Variants in CDH4 observed in about 807,000 individuals in gnomAD.
CDH4 encodes cadherin-4.
CDH4 carries 33 observed loss-of-function variants against 86.0 expected under a neutral mutation model. The ratio of observed to expected loss-of-function variants is 0.38; its 90% CI spans 0.29 to 0.51. CDH4 has a LOEUF of 0.51. Ranked by LOEUF, CDH4 falls within the 20% of genes least tolerant of loss-of-function variation. CDH4 has a pLI of 0.86. For missense variants in CDH4, 1,114 were observed against 1,307.4 expected (o/e 0.85, Z 2.28); for synonymous variants, 555 against 549.4 (o/e 1.01, Z -0.14).
At chr20:61,841,122 A>G (rs923394536) in intron 4 of CDH4, among the ~76,000 whole-genome samples, 15 of 152,306 alleles carry the variant, frequency 9.8e-5, no homozygotes, top group Non-Finnish European at 1.3e-4. Context: ...TCCTGCCTCC[A>G]GAAGACTGGA....
At position 61,507,520 on chromosome 20, in the gene CDH4, A is replaced by C. The variant is rs182606689; in HGVS notation, c.170-236043A>C. ...AAATTTTAAGTAAAACCCACAGTACAGGTGGAGTTCACTGTGTCTCAGGCA... is the reference window on the plus strand; with the variant it reads ...AAATTTTAAGTAAAACCCACAGTACCGGTGGAGTTCACTGTGTCTCAGGCA... On this transcript the variant is annotated intron_variant, in intron 2 of 15. Transcript: ENST00000614565. Among the ~76,000 whole-genome samples, 285 of 152,296 alleles carry C rather than the reference A, an allele frequency of 1.9e-3. 2 individuals are homozygous for C. The highest frequency in any genetic ancestry group is 6.5e-3 in the African/African-American group (269 of 41,564).
chr20:61,748,048 G>C (rs1024583239), intron 3 of CDH4, among the ~76,000 whole-genome samples: 8 of 152,230 alleles, frequency 5.3e-5, no homozygotes, highest in African/African-American at 1.9e-4. Context: ...CTTTGAGGAA[G>C]CAATGACTAG....
intron 2 of CDH4, among the ~76,000 whole-genome samples, chr20:61,303,173 C>T (rs918798902): frequency 1.3e-5 from 2 of 152,232 alleles, no homozygotes; most frequent in Non-Finnish European, 2.9e-5. Flanking sequence ...ATGTGGCTCC[C>T]CTTCCTATGC....
intron 2 of CDH4, among the ~76,000 whole-genome samples, chr20:61,367,048 G>A (rs2084814109): frequency 6.6e-6 from 1 of 152,128 alleles, no homozygotes; most frequent in South Asian, 2.1e-4. Flanking sequence ...CCCCATTGCT[G>A]ACAGAGAGCC....
chr20:61,870,015 C>G (rs1983728241), intron 6 of CDH4, among the ~76,000 whole-genome samples: 1 of 152,208 alleles, frequency 6.6e-6, no homozygotes. Context: ...TGTGATTTCT[C>G]AGTGATATGG....
chr20:61,646,004 C>A (rs1292988071), intron 2 of CDH4, among the ~76,000 whole-genome samples: 2 of 152,162 alleles, frequency 1.3e-5, no homozygotes, highest in East Asian at 3.9e-4. Context: ...GACTCACAGG[C>A]AATATTGTGT....
intron 3 of CDH4, among the ~76,000 whole-genome samples, chr20:61,759,276 C>A (rs866409222): frequency 6.6e-6 from 1 of 152,188 alleles, no homozygotes; most frequent in Non-Finnish European, 1.5e-5. Context: ...AAAAATAAAA[C>A]CCTCTGTGGT....
At chr20:61,735,070 AAGAG>A (rs1363959012) in intron 2 of CDH4, among the ~76,000 whole-genome samples, 2 of 152,058 alleles carry the variant, frequency 1.3e-5, no homozygotes, top group African/African-American at 2.4e-5. Context: ...AGGGGCCAGA[AAGAG>A]AGAGGGGTCG....
intron 2 of CDH4, among the ~76,000 whole-genome samples, chr20:61,714,664 G>A (rs373480391): frequency 4.4e-4 from 67 of 152,206 alleles, no homozygotes; most frequent in African/African-American, 1.6e-3. Context: ...GGAATATTTG[G>A]TTTTCCATTC....
At chr20:61,819,027 C>T (rs769752652) in intron 4 of CDH4, among the ~76,000 whole-genome samples, 7 of 152,342 alleles carry the variant, frequency 4.6e-5, no homozygotes, top group Non-Finnish European at 8.8e-5. Flanking sequence ...GTGGGCAGCA[C>T]GGCAGGAGCC....
In CDH4 at chr20:61,936,937, G is replaced by C. The variant is rs570350380; in HGVS notation, c.2745G>C (p.Glu915Asp). 5.1e-6 allele frequency: 8 copies of C among 1,568,028 alleles called. No homozygotes were observed. Among genetic ancestry groups the C allele is most frequent in the Non-Finnish European group, 6.9e-6 (8 of 1,155,160 alleles). The change falls in exon 16 of 16, where the codon GAG becomes GAC. Residue 915 changes from glutamate to aspartate, a missense_variant. Transcript: ENST00000614565. Reference sequence around the variant, plus strand: ...CGGACATGTATGGAGGTGGTGAAGAGGATTGACTGACCTCGCATCTTCGGA... The same window carrying C: ...CGGACATGTATGGAGGTGGTGAAGACGATTGACTGACCTCGCATCTTCGGA... ...KLADMYGGGE[E>D]D
intron 4 of CDH4, among the ~76,000 whole-genome samples, chr20:61,842,181 G>A (rs534248087): frequency 2.6e-5 from 4 of 152,336 alleles, no homozygotes; most frequent in East Asian, 3.9e-4. Context: ...GAGATGAGGT[G>A]CCTGGCGAGA....
chr20:61,565,869 G>T (rs927958603), intron 2 of CDH4, among the ~76,000 whole-genome samples: 4 of 152,314 alleles, frequency 2.6e-5, no homozygotes, highest in African/African-American at 9.6e-5. Flanking sequence ...TGCTGCCGGG[G>T]TTGCTCAGCT....
At chr20:61,674,865 GC>G (rs1184732348) in intron 2 of CDH4, among the ~76,000 whole-genome samples, 1 of 152,180 alleles carries the variant, frequency 6.6e-6, no homozygotes, top group Non-Finnish European at 1.5e-5. Flanking sequence ...GCCAAGTCTG[GC>G]CCCCTGCCTA....
chr20:61,763,590 C>A (rs928974544), intron 3 of CDH4, among the ~76,000 whole-genome samples: 1 of 152,214 alleles, frequency 6.6e-6, no homozygotes, highest in Non-Finnish European at 1.5e-5. Flanking sequence ...GGAAATGTTA[C>A]AATAGTTGAT....
Position 61,849,005 on chromosome 20 carries a change from C to T in CDH4, c.733-3749C>T, listed in dbSNP as rs139509316. On this transcript the variant is annotated intron_variant, in intron 5 of 15. Transcript: ENST00000614565. ...TTATCATCCTCATTTCCCATTTTCA[C>T]AGTGAGGAATGGTGAGCCCTGAGAT... Among the ~76,000 whole-genome samples the T allele has an allele frequency of 1.7e-4, 26 of 152,274 alleles. No homozygotes were observed. In the East Asian group the frequency reaches 5.0e-3, roughly 29 times the overall value.
intron 2 of CDH4, among the ~76,000 whole-genome samples, chr20:61,651,203 A>C: frequency 7.3e-6 from 1 of 137,444 alleles, no homozygotes; most frequent in Admixed American, 7.1e-5. Context: ...AGTTAGCGTC[A>C]TGCTTGGCCG....
intron 2 of CDH4, among the ~76,000 whole-genome samples, chr20:61,321,588 T>G (rs1170418582): frequency 6.6e-6 from 1 of 152,194 alleles, no homozygotes; most frequent in Non-Finnish European, 1.5e-5. Context: ...ACCTGATGTA[T>G]GTGCTGACAC....
intron 2 of CDH4, among the ~76,000 whole-genome samples, chr20:61,693,289 C>CT (rs1355570559): frequency 6.6e-6 from 1 of 152,206 alleles, no homozygotes; most frequent in African/African-American, 2.4e-5. Flanking sequence ...GTGCTGCCTC[C>CT]TGGTCTCCTT....
Sources: allele counts gnomAD v4.1 joint callset (sites outside exome capture counted in the v4.1 genomes callset), GRCh38; gene constraint gnomAD v4.1.1; transcripts MANE v1.5; gene names NCBI Gene and HGNC (gene_info 2026-07-23, HGNC 2026-07-21).